BAIAP2: variants seen among roughly 807,000 people sequenced by gnomAD.
BAIAP2 encodes BAR/IMD domain containing adaptor protein 2.
A neutral mutation model predicts 63.0 loss-of-function variants in BAIAP2; 18 were observed. That is an observed-to-expected ratio of 0.29 (90% CI 0.20 to 0.42). BAIAP2 has a LOEUF of 0.42. Among genes scored for constraint, BAIAP2 ranks in the 10% least tolerant of loss-of-function variants. The pLI is 1.00. For synonymous variants in BAIAP2, 386 were observed against 307.6 expected (o/e 1.25, Z -2.67); for missense variants, 610 against 734.3 (o/e 0.83, Z 1.96).
chr17:81,078,835 G>A (rs2054138753), intron 3 of BAIAP2, among the ~76,000 whole-genome samples: 1 of 152,234 alleles, frequency 6.6e-6, no homozygotes, highest in East Asian at 1.9e-4. Context: ...GAAGCTCTCA[G>A]GGCTCCTGAG....
chr17:81,086,916 C>T (rs1240510277), intron 6 of BAIAP2: 1 of 224,044 alleles, frequency 4.5e-6, no homozygotes. Flanking sequence ...TCTAAGCGGT[C>T]GTGGCCTCCG....
At chr17:81,096,665 G>A (rs2057665972) in intron 6 of BAIAP2, among the ~76,000 whole-genome samples, 1 of 152,264 alleles carries the variant, frequency 6.6e-6, no homozygotes, top group African/African-American at 2.4e-5. Context: ...TGAAGGTCAG[G>A]AAAGGAGTCC....
At chr17:81,067,996 C>T (rs930398681) in intron 3 of BAIAP2, among the ~76,000 whole-genome samples, 5 of 152,338 alleles carry the variant, frequency 3.3e-5, no homozygotes, top group South Asian at 4.1e-4. Flanking sequence ...CAGTGTTGGC[C>T]GCAGGCCGAG....
intron 1 of BAIAP2, among the ~76,000 whole-genome samples, chr17:81,038,441 C>G (rs1387317309): frequency 2.0e-5 from 3 of 152,214 alleles, no homozygotes; most frequent in African/African-American, 7.2e-5. Context: ...CACAGCCTGT[C>G]CTAGAATATG....
Position 81,042,964 on chromosome 17 carries a change from G to C in BAIAP2, c.54+7656G>C, listed in dbSNP as rs184806644. 3.1e-3 allele frequency among the ~76,000 whole-genome samples: 479 copies of C among 152,224 alleles called. 2 individuals are homozygous for C. Among genetic ancestry groups the C allele is most frequent in the Admixed American group, 4.3e-3 (66 of 15,308 alleles). On this transcript the variant is annotated intron_variant, in intron 1 of 13. Coordinates refer to ENST00000428708, the MANE Select transcript of BAIAP2 (RefSeq NM_001144888.2). ...AGTGGTGTGACCTTGGCTTACTGCA[G>C]CCTCTGCCTCCTGGGCTCAAGCAAT... is the stretch of plus-strand genomic sequence containing the variant.
Position 81,046,244 on chromosome 17 carries a change from C to G in BAIAP2, c.55-7424C>G, listed in dbSNP as rs1163224480. On this transcript the variant is annotated intron_variant, in intron 1 of 13. Transcript: ENST00000428708. This position sits in a 1 kb window ranked among gnomAD's most constrained non-coding sequence, Gnocchi z 4.5. The stretch of plus-strand genomic sequence containing the variant: ...CCTAACCCTGCGCGCCGTTTCCTCC[C>G]AGAAACTTCCATGCATCCCCTCGTT... Among the ~76,000 whole-genome samples the G allele has an allele frequency of 6.6e-6, 1 of 152,148 alleles. No homozygotes were observed. The highest frequency in any genetic ancestry group is 2.4e-5 in the African/African-American group (1 of 41,418).
chr17:81,071,456 A>G (rs2052642121), intron 3 of BAIAP2, among the ~76,000 whole-genome samples: 1 of 152,260 alleles, frequency 6.6e-6, no homozygotes, highest in Non-Finnish European at 1.5e-5. Context: ...AGAGTTGTGG[A>G]TAGCTACTTC....
intron 3 of BAIAP2, among the ~76,000 whole-genome samples, chr17:81,082,234 C>T (rs144607890): frequency 3.3e-4 from 51 of 152,302 alleles, no homozygotes; most frequent in African/African-American, 6.5e-4. Context: ...CATGCTCACC[C>T]GCATAAGCAC....
At chr17:81,075,488 T>C (rs2053507037) in intron 3 of BAIAP2, among the ~76,000 whole-genome samples, 1 of 152,220 alleles carries the variant, frequency 6.6e-6, no homozygotes, top group South Asian at 2.1e-4. Context: ...GCCGCTTGCA[T>C]GCCGTGCTGT....
At chr17:81,106,208 C>A in intron 11 of BAIAP2, 62 bp downstream of exon 11, 2 of 1,499,582 alleles carry the variant, frequency 1.3e-6, no homozygotes, top group Non-Finnish European at 1.8e-6. Context: ...TGTGATGACA[C>A]CAGGTCCCTG....
Sources: allele counts gnomAD v4.1 joint callset (sites outside exome capture counted in the v4.1 genomes callset), GRCh38; gene constraint gnomAD v4.1.1; non-coding constraint Gnocchi (gnomAD v3.1); transcripts MANE v1.5; gene names NCBI Gene and HGNC (gene_info 2026-07-23, HGNC 2026-07-21).